Variants in CNTN5 observed in about 807,000 individuals in gnomAD.
CNTN5 encodes contactin 5, also known as contactin-5.
A neutral mutation model predicts 129.1 loss-of-function variants in CNTN5; 77 were observed. The ratio of observed to expected loss-of-function variants is 0.60; its 90% CI spans 0.50 to 0.72. The LOEUF is 0.72. CNTN5 is among the 30% of genes least tolerant of loss of function. The pLI, the probability that CNTN5 is intolerant of heterozygous loss-of-function variation, is 0.00. For synonymous variants in CNTN5, 509 were observed against 465.6 expected (o/e 1.09, Z -1.20); for missense variants, 1,478 against 1,328.8 (o/e 1.11, Z -1.75).
chr11:100,243,843 G>A (rs1357302818), intron 16 of CNTN5, among the ~76,000 whole-genome samples: 1 of 151,906 alleles, frequency 6.6e-6, no homozygotes, highest in Admixed American at 6.6e-5. Flanking sequence ...CTCCAAATTA[G>A]CATCTTCTCA....
intron 2 of CNTN5, among the ~76,000 whole-genome samples, chr11:99,493,564 G>C (rs1946114603): frequency 6.6e-6 from 1 of 152,166 alleles, no homozygotes; most frequent in Non-Finnish European, 1.5e-5. Context: ...AGAAACTTAA[G>C]TGACAGAGAT....
At chr11:99,749,295 G>GA (rs1214730497) in intron 3 of CNTN5, among the ~76,000 whole-genome samples, 5 of 151,902 alleles carry the variant, frequency 3.3e-5, no homozygotes, top group African/African-American at 7.3e-5. Context: ...AAAGAATGGG[G>GA]AAAAAAGATG....
chr11:99,062,837 G>C (rs996086185), intron 1 of CNTN5, among the ~76,000 whole-genome samples: 1 of 152,080 alleles, frequency 6.6e-6, no homozygotes, highest in Non-Finnish European at 1.5e-5. Context: ...ATTACTAGAA[G>C]AGGTCAAAAC....
intron 21 of CNTN5, among the ~76,000 whole-genome samples, chr11:100,330,522 A>G (rs566542441): frequency 1.4e-4 from 21 of 149,394 alleles, no homozygotes; most frequent in Non-Finnish European, 2.8e-4. Flanking sequence ...CTAGGCACAT[A>G]GTCATCATGT....
chr11:99,635,989 T>A (rs1265169711), intron 3 of CNTN5, among the ~76,000 whole-genome samples: 1 of 152,180 alleles, frequency 6.6e-6, no homozygotes, highest in East Asian at 1.9e-4. Context: ...GAAGCCTTTT[T>A]ACATGGATAA....
At chr11:99,253,183 A>G (rs1342116366) in intron 1 of CNTN5, among the ~76,000 whole-genome samples, 1 of 152,044 alleles carries the variant, frequency 6.6e-6, no homozygotes, top group Non-Finnish European at 1.5e-5. Flanking sequence ...AATAAGTCTC[A>G]CGAGATTTGT....
At chr11:99,664,977 C>T (rs1173663503) in intron 3 of CNTN5, among the ~76,000 whole-genome samples, 3 of 152,104 alleles carry the variant, frequency 2.0e-5, no homozygotes, top group Admixed American at 6.6e-5. Context: ...TCAGGACAGA[C>T]TCATATTCTG....
chr11:100,310,150 C>A (rs970639298), intron 21 of CNTN5, among the ~76,000 whole-genome samples: 1 of 151,908 alleles, frequency 6.6e-6, no homozygotes, highest in African/African-American at 2.4e-5. Context: ...TTGGGGACTT[C>A]AACTGAAAAG....
At chr11:99,389,676 G>C (rs1442517255) in intron 2 of CNTN5, among the ~76,000 whole-genome samples, 1 of 151,924 alleles carries the variant, frequency 6.6e-6, no homozygotes, top group Non-Finnish European at 1.5e-5. Flanking sequence ...AATAACATTT[G>C]GTAAAAAAGT....
At chr11:99,793,991 C>A (rs1945845074) in intron 3 of CNTN5, among the ~76,000 whole-genome samples, 1 of 152,134 alleles carries the variant, frequency 6.6e-6, no homozygotes, top group Admixed American at 6.5e-5. Context: ...CCTCGATGAT[C>A]TGTCTAATAC....
intron 2 of CNTN5, among the ~76,000 whole-genome samples, chr11:99,550,963 G>A (rs1465222485): frequency 2.0e-5 from 3 of 152,074 alleles, no homozygotes; most frequent in African/African-American, 7.2e-5. Flanking sequence ...TTTGTTTAAG[G>A]CTAAAGCCCT....
chr11:99,797,391 A>T (rs1945978510), intron 3 of CNTN5, among the ~76,000 whole-genome samples: 1 of 152,214 alleles, frequency 6.6e-6, no homozygotes, highest in East Asian at 1.9e-4. Flanking sequence ...TGTTCCCTTT[A>T]CACTGCAGCC....
intron 13 of CNTN5, among the ~76,000 whole-genome samples, chr11:100,131,210 T>C (rs1241664509): frequency 1.3e-5 from 2 of 152,036 alleles, no homozygotes; most frequent in African/African-American, 2.4e-5. Flanking sequence ...GAATCACTAA[T>C]TAAAAGGCTA....
intron 1 of CNTN5, among the ~76,000 whole-genome samples, chr11:99,321,362 CAT>C (rs1211422322): frequency 3.4e-5 from 5 of 148,952 alleles, no homozygotes; most frequent in South Asian, 2.1e-4. Flanking sequence ...ATATATATAA[CAT>C]ATATATATTC....
chr11:99,505,281 A>G (rs2135394325), intron 2 of CNTN5, among the ~76,000 whole-genome samples: 1 of 152,328 alleles, frequency 6.6e-6, no homozygotes, highest in East Asian at 1.9e-4. Flanking sequence ...GCTGACACAA[A>G]GTAGTAAATC....
intron 4 of CNTN5, among the ~76,000 whole-genome samples, chr11:99,834,112 A>G (rs948070165): frequency 1.3e-5 from 2 of 152,162 alleles, no homozygotes; most frequent in African/African-American, 2.4e-5. Flanking sequence ...ATTTTAATGC[A>G]AACACTGTAT....
intron 3 of CNTN5, among the ~76,000 whole-genome samples, chr11:99,701,698 G>T (rs1156496671): frequency 6.6e-6 from 1 of 150,512 alleles, no homozygotes; most frequent in African/African-American, 2.4e-5. Context: ...TTTTTATTTT[G>T]ATCTTTCCTA....
At chr11:100,007,244 T>G (rs565930883) in intron 9 of CNTN5, among the ~76,000 whole-genome samples, 1 of 152,168 alleles carries the variant, frequency 6.6e-6, no homozygotes, top group East Asian at 1.9e-4. Context: ...TTCAAATTGG[T>G]AAATGAGCAT....
chr11:99,420,249 T>C (rs1235288738), intron 2 of CNTN5, among the ~76,000 whole-genome samples: 1 of 152,092 alleles, frequency 6.6e-6, no homozygotes, highest in Non-Finnish European at 1.5e-5. Context: ...AGGAAATTAC[T>C]TCAAAGAAAA....
Sources: gnomAD v4.1 joint callset for allele counts (sites outside exome capture counted in the v4.1 genomes callset) on GRCh38, gnomAD v4.1.1 for gene constraint, MANE v1.5 for transcripts, NCBI Gene and HGNC (gene_info 2026-07-23, HGNC 2026-07-21) for gene names.